The following RANBP17 variants were observed in gnomAD, a reference collection of about 807,000 sequenced individuals.
The protein encoded by RANBP17 is RAN binding protein 17.
Under a neutral mutation model 141.2 loss-of-function variants are expected in RANBP17, and 158 were observed. That is an observed-to-expected ratio of 1.12 (90% CI 0.98 to 1.28). The LOEUF (loss-of-function observed/expected upper bound fraction) is 1.28, where lower values mean the gene tolerates loss of function less well. Ranked by LOEUF, RANBP17 falls within the 50% of genes most tolerant of loss-of-function variation. The pLI, the probability that RANBP17 is intolerant of heterozygous loss-of-function variation, is 0.00. For missense variants in RANBP17, 1,438 were observed against 1,290.7 expected (o/e 1.11, Z -1.75); for synonymous variants, 430 against 450.0 (o/e 0.96, Z 0.56).
chr5:170,910,769 C>T, intron 6 of RANBP17, 200 bp from the exon 7 acceptor site: 1 of 525,308 alleles, frequency 1.9e-6, no homozygotes, highest in African/African-American at 1.9e-5. Flanking sequence ...CCTTTATTAG[C>T]TGAATGTGAT....
chr5:170,977,640 A>T (rs994101709), intron 14 of RANBP17, among the ~76,000 whole-genome samples: 1 of 152,094 alleles, frequency 6.6e-6, no homozygotes, highest in Admixed American at 6.5e-5. Context: ...GTATTTCCCC[A>T]AGTGGAATGT....
rs977526691 is a variant in RANBP17 at position 170,917,766 on chromosome 5, C to T, written c.955-947C>T. ...AACCAATAGGTGGAAGATAATATGC[C>T]GATTCCTGATAATTTCTCTTAAATG... is the stretch of plus-strand genomic sequence containing the variant. On this transcript the variant is annotated intron_variant, in intron 9 of 27. Coordinates refer to ENST00000523189, the MANE Select transcript of RANBP17 (RefSeq NM_022897.5). 5.3e-5 allele frequency among the ~76,000 whole-genome samples: 8 copies of T among 152,100 alleles called. No individual in the cohort carries two copies. In the South Asian group the frequency reaches 8.3e-4, roughly 16 times the overall value.
intron 14 of RANBP17, among the ~76,000 whole-genome samples, chr5:170,986,745 AC>A (rs1396299446): frequency 6.6e-6 from 1 of 151,834 alleles, no homozygotes; most frequent in Non-Finnish European, 1.5e-5. Context: ...TTATTATTCA[AC>A]CTTTTTCCTA....
chr5:171,147,373 G>GTGTGTC (rs1758112978), intron 14 of RANBP17, among the ~76,000 whole-genome samples: 1 of 143,718 alleles, frequency 7.0e-6, no homozygotes, highest in South Asian at 2.3e-4. Flanking sequence ...GTGTGTGTGT[G>GTGTGTC]TGTGTGTGGT....
At chr5:170,959,858 G>C (rs900022024) in intron 13 of RANBP17, among the ~76,000 whole-genome samples, 3 of 152,172 alleles carry the variant, frequency 2.0e-5, no homozygotes, top group African/African-American at 7.2e-5. Flanking sequence ...CTTAAAAGCT[G>C]AGAAGGCGAA....
intron 19 of RANBP17, among the ~76,000 whole-genome samples, chr5:171,203,746 G>C (rs1762427347): frequency 6.6e-6 from 1 of 152,102 alleles, no homozygotes; most frequent in Admixed American, 6.6e-5. Flanking sequence ...CTTTGTACTA[G>C]ACACAAAGAA....
At chr5:171,198,850 A>G (rs936240837) in intron 18 of RANBP17, among the ~76,000 whole-genome samples, 3 of 152,248 alleles carry the variant, frequency 2.0e-5, no homozygotes, top group African/African-American at 7.2e-5. Context: ...CTGTTTCTTC[A>G]GTAGAGTGCA....
intron 14 of RANBP17, among the ~76,000 whole-genome samples, chr5:170,994,696 A>G (rs903239407): frequency 2.0e-5 from 3 of 152,066 alleles, no homozygotes; most frequent in Non-Finnish European, 2.9e-5. Context: ...CCTCTAGTAG[A>G]TAGTGCCTAA....
chr5:171,000,627 A>C (rs1427813754), intron 14 of RANBP17, among the ~76,000 whole-genome samples: 1 of 152,180 alleles, frequency 6.6e-6, no homozygotes, highest in African/African-American at 2.4e-5. Flanking sequence ...TGTGTGAGCA[A>C]CAAGTCTGTT....
intron 19 of RANBP17, among the ~76,000 whole-genome samples, chr5:171,201,980 G>A (rs1172912129): frequency 6.6e-6 from 1 of 152,158 alleles, no homozygotes; most frequent in South Asian, 2.1e-4. Flanking sequence ...CTATGAAAAT[G>A]CCGCAGGACT....
intron 3 of RANBP17, among the ~76,000 whole-genome samples, chr5:170,886,806 G>A (rs1287942614): frequency 1.3e-5 from 2 of 151,650 alleles, no homozygotes; most frequent in African/African-American, 4.8e-5. Context: ...GACTACAGAT[G>A]TGACTACCAT....
chr5:171,113,460 C>A lies in RANBP17; in HGVS notation c.1711-56670C>A, dbSNP rs1002802400. 3.9e-5 allele frequency among the ~76,000 whole-genome samples: 6 copies of A among 152,134 alleles called. No homozygotes were observed. In the East Asian group the frequency reaches 1.2e-3, roughly 29 times the overall value. The stretch of plus-strand genomic sequence containing the variant: ...ATGCTCCAGACAAATACCATTAACT[C>A]TTATAATGTAATAGATATTTTAATC... On this transcript the variant is annotated intron_variant, in intron 14 of 27. Transcript: ENST00000523189.
chr5:171,015,287 G>T (rs1428857484), intron 14 of RANBP17, among the ~76,000 whole-genome samples: 5 of 151,918 alleles, frequency 3.3e-5, no homozygotes, highest in Non-Finnish European at 7.4e-5. Context: ...CTGCAGTTAC[G>T]CATTTATTAG....
chr5:171,095,794 G>T (rs150991349), intron 14 of RANBP17, among the ~76,000 whole-genome samples: 1 of 152,082 alleles, frequency 6.6e-6, no homozygotes, highest in Non-Finnish European at 1.5e-5. Flanking sequence ...AAATCTGAGC[G>T]TAACTTTAGA....
chr5:171,050,622 G>C (rs1581494036), intron 14 of RANBP17, among the ~76,000 whole-genome samples: 1 of 152,288 alleles, frequency 6.6e-6, no homozygotes, highest in East Asian at 1.9e-4. Context: ...CAGAAGGATG[G>C]CTTGATTGCA....
At chr5:171,205,874 T>C (rs1239920021) in intron 20 of RANBP17, 2 of 528,926 alleles carry the variant, frequency 3.8e-6, no homozygotes, top group Non-Finnish European at 7.1e-6. Context: ...TGATTGTTTA[T>C]GTTGGAGTTG....
intron 25 of RANBP17, among the ~76,000 whole-genome samples, chr5:171,280,578 C>T (rs1443329582): frequency 1.3e-5 from 2 of 152,168 alleles, no homozygotes; most frequent in Non-Finnish European, 2.9e-5. Context: ...CTGGCCTTAA[C>T]TCATGGAAAG....
chr5:170,873,433 T>A (rs1767920359), intron 1 of RANBP17, among the ~76,000 whole-genome samples: 1 of 152,242 alleles, frequency 6.6e-6, no homozygotes, highest in Non-Finnish European at 1.5e-5. Flanking sequence ...TATCAGCTCC[T>A]CTTTGTACCT....
intron 14 of RANBP17, among the ~76,000 whole-genome samples, chr5:171,119,478 G>A (rs1002190185): frequency 1.3e-5 from 2 of 152,202 alleles, no homozygotes; most frequent in African/African-American, 4.8e-5. Flanking sequence ...GAATTAAGCA[G>A]TGAAGCCATC....
Sources: allele counts gnomAD v4.1 joint callset (sites outside exome capture counted in the v4.1 genomes callset), GRCh38; gene constraint gnomAD v4.1.1; transcripts MANE v1.5; gene names NCBI Gene and HGNC (gene_info 2026-07-23, HGNC 2026-07-21).